The following ANKRD46 variants were observed in gnomAD, a reference collection of about 807,000 sequenced individuals.
ANKRD46 encodes the protein ankyrin repeat domain-containing protein 46.
Under a neutral mutation model 19.8 loss-of-function variants are expected in ANKRD46, and 13 were observed. The observed-to-expected ratio is 0.66, with a 90% CI of 0.43 to 1.04. The LOEUF (loss-of-function observed/expected upper bound fraction) is 1.04, where lower values mean the gene tolerates loss of function less well. ANKRD46 is among the 50% of genes least tolerant of loss of function. The pLI is 0.00. For missense variants in ANKRD46, 185 were observed against 274.8 expected (o/e 0.67, Z 2.31); for synonymous variants, 91 against 106.9 (o/e 0.85, Z 0.92).
At position 100,532,908 on chromosome 8, in the gene ANKRD46, A is replaced by T. The variant is rs1300691122; in HGVS notation, c.-28+301T>A. ...TTAAATTTTTAAAAATAGATAATTT[A>T]AAAAATCTAGTTGGTGTTTTTGATT... is the stretch of plus-strand genomic sequence containing the variant. On this transcript the variant is annotated intron_variant, in intron 2 of 4. Transcript: ENST00000335659. This position sits in a 1 kb window ranked among gnomAD's most constrained non-coding sequence, Gnocchi z 4.7. 6.6e-6 allele frequency among the ~76,000 whole-genome samples: 1 copy of T among 152,242 alleles called. No homozygotes were observed. The highest frequency in any genetic ancestry group is 1.5e-5 in the Non-Finnish European group (1 of 68,042).
chr8:100,551,391 C>G (rs1417268593), intron 1 of ANKRD46: 5 of 603,170 alleles, frequency 8.3e-6, no homozygotes, highest in African/African-American at 7.3e-5. Flanking sequence ...AAGTGAGCCC[C>G]AGCCTTCTCT....
At chr8:100,518,316 T>C (rs1156882716), downstream of ANKRD46, among the ~76,000 whole-genome samples, 1 of 152,196 alleles carries the variant, frequency 6.6e-6, no homozygotes, top group Non-Finnish European at 1.5e-5. Flanking sequence ...GGGAAAGAAA[T>C]TTATAATAAA....
chr8:100,520,613 A>C (rs1314795489), downstream of ANKRD46, among the ~76,000 whole-genome samples: 2 of 152,154 alleles, frequency 1.3e-5, no homozygotes, highest in Non-Finnish European at 2.9e-5. Flanking sequence ...TTAATTTCAC[A>C]GTATTTATAA....
downstream of ANKRD46, among the ~76,000 whole-genome samples, chr8:100,516,186 C>T (rs1464271413): frequency 6.6e-6 from 1 of 152,132 alleles, no homozygotes; most frequent in African/African-American, 2.4e-5. Context: ...TGTTAATGTT[C>T]ATTTTTCAGG....
intron 5 of ANKRD46, among the ~76,000 whole-genome samples, chr8:100,514,099 T>C (rs1811590700): frequency 6.6e-6 from 1 of 152,204 alleles, no homozygotes. Flanking sequence ...AACTCTTCAA[T>C]GCCACATTTC....
chr8:100,556,849 C>T (rs1301381249), intron 1 of ANKRD46: 2 of 152,194 alleles, frequency 1.3e-5, no homozygotes, highest in Non-Finnish European at 2.9e-5. Flanking sequence ...CTCCTACCTT[C>T]AAAAGCCTCT....
intron 5 of ANKRD46, among the ~76,000 whole-genome samples, chr8:100,515,140 A>G (rs1369758548): frequency 2.0e-5 from 3 of 152,188 alleles, no homozygotes; most frequent in Admixed American, 2.0e-4. Flanking sequence ...GCATTTTATA[A>G]TCCCAGGGCT....
In ANKRD46 at chr8:100,529,573, A is replaced by T. The variant is rs754845292; in HGVS notation, c.261T>A (p.His87Gln). 6.2e-7 allele frequency: 1 copy of T among 1,614,280 alleles called. No homozygotes were observed. Among genetic ancestry groups the T allele is most frequent in the Non-Finnish European group, 8.5e-7 (1 of 1,180,052 alleles). The change falls in exon 3 of 5, where the codon CAT becomes CAA. Residue 87 changes from histidine to glutamine, a missense_variant. His to Gln is a conservative substitution (Grantham distance 24, BLOSUM62 0). Coordinates refer to ENST00000335659, the MANE Select transcript of ANKRD46 (RefSeq NM_001270377.2). The surrounding 1 kb of genome is among the most constrained non-coding windows in gnomAD (Gnocchi z 5.8). Reference protein sequence around the residue: ...QGNTALHLCGHVDTIQFLVSN... With the variant: ...QGNTALHLCGQVDTIQFLVSN... Reference sequence around the variant, plus strand: ...AAACCAAAAATTGGATAGTATCCACATGGCCACAGAGGTGAAGAGCTGTGT... The same window carrying T: ...AAACCAAAAATTGGATAGTATCCACTTGGCCACAGAGGTGAAGAGCTGTGT...
rs377384961 is a variant in ANKRD46 at position 100,529,858 on chromosome 8, C to T, written c.-25G>A. On this transcript the variant is annotated splice_region_variant and 5_prime_UTR_variant, in exon 3 of 5. It adds an upstream start codon to the 5' untranslated region. Coordinates refer to ENST00000335659, the MANE Select transcript of ANKRD46 (RefSeq NM_001270377.2). This position sits in a 1 kb window ranked among gnomAD's most constrained non-coding sequence, Gnocchi z 5.8. ...TTGTTCTGATGTGGTGGATGGAACA[C>T]GCCTGTAATGAAATAGGTGAGTGAG... 2.1e-4 allele frequency: 335 copies of T among 1,599,308 alleles called. 1 individual carries two copies. The highest frequency in any genetic ancestry group is 2.7e-4 in the Non-Finnish European group (312 of 1,169,148).
chr8:100,523,392 G>C (rs1811773381), intron 4 of ANKRD46, among the ~76,000 whole-genome samples: 1 of 151,206 alleles, frequency 6.6e-6, no homozygotes, highest in Non-Finnish European at 1.5e-5. Flanking sequence ...AACCAACTTT[G>C]TGACACCTTG....
intron 3 of ANKRD46, among the ~76,000 whole-genome samples, chr8:100,528,689 G>A (rs904149399): frequency 1.3e-5 from 2 of 151,946 alleles, no homozygotes; most frequent in Non-Finnish European, 2.9e-5. Context: ...TTCGGTTCAC[G>A]CAGCTATTTA....
At position 100,521,114 on chromosome 8, in the gene ANKRD46, T is replaced by A. The variant is rs1811715595; in HGVS notation, c.*1441A>T. ...TGAAGCAGCCAGTTACTCAGGAATT[T>A]TACAACAGCTATTAAAGAGAGGATA... On this transcript the variant is annotated 3_prime_UTR_variant, in exon 5 of 5. Coordinates refer to ENST00000335659, the MANE Select transcript of ANKRD46 (RefSeq NM_001270377.2). The A allele has an allele frequency of 3.0e-6, 3 of 984,858 alleles. No homozygotes were observed. Among genetic ancestry groups the A allele is most frequent in the Non-Finnish European group, 3.6e-6 (3 of 829,888 alleles). The allele number at this position is 984,858 out of a possible 1,614,324, so 61.0% of individuals were successfully genotyped here.
intron 1 of ANKRD46, among the ~76,000 whole-genome samples, chr8:100,555,093 T>C (rs1431339473): frequency 6.6e-6 from 1 of 151,450 alleles, no homozygotes; most frequent in African/African-American, 2.4e-5. Flanking sequence ...TTATTTTAAA[T>C]AGAAATCTTT....
chr8:100,531,488 G>A (rs1811961642), intron 2 of ANKRD46, among the ~76,000 whole-genome samples: 1 of 152,146 alleles, frequency 6.6e-6, no homozygotes, highest in African/African-American at 2.4e-5. Flanking sequence ...CTGCTACCAT[G>A]GGCTCTCTGT....
At chr8:100,514,271 G>A (rs563631175) in intron 5 of ANKRD46, among the ~76,000 whole-genome samples, 54 of 152,206 alleles carry the variant, frequency 3.5e-4, no homozygotes, top group Non-Finnish European at 6.2e-4. Context: ...AAGGGATACT[G>A]TGAAAAAGAG....
At chr8:100,551,488 G>C (rs1812388946) in intron 1 of ANKRD46, 1 of 772,972 alleles carries the variant, frequency 1.3e-6, no homozygotes, top group Admixed American at 1.8e-5. Flanking sequence ...GCTCCTGGAA[G>C]ATGGTGATGG....
intron 1 of ANKRD46, among the ~76,000 whole-genome samples, chr8:100,548,768 TATAAC>T (rs1320546531): frequency 2.0e-5 from 3 of 152,120 alleles, no homozygotes; most frequent in Non-Finnish European, 4.4e-5. Flanking sequence ...GGACAAAAAA[TATAAC>T]TAAACTAAAA....
At chr8:100,520,575 C>G (rs557500582), downstream of ANKRD46, among the ~76,000 whole-genome samples, 33 of 151,952 alleles carry the variant, frequency 2.2e-4, no homozygotes, top group South Asian at 6.9e-3. Context: ...TGATCATCAC[C>G]CTTAAATCTA....
chr8:100,554,012 T>C (rs116016206), intron 1 of ANKRD46, among the ~76,000 whole-genome samples: 235 of 152,354 alleles, frequency 1.5e-3, no homozygotes, highest in African/African-American at 5.2e-3. Flanking sequence ...GTATTCAGAA[T>C]TTATTAAAAG....
Sources: allele counts gnomAD v4.1 joint callset (sites outside exome capture counted in the v4.1 genomes callset), GRCh38; gene constraint gnomAD v4.1.1; non-coding constraint Gnocchi (gnomAD v3.1); transcripts MANE v1.5; gene names NCBI Gene and HGNC (gene_info 2026-07-23, HGNC 2026-07-21).